The following FSHR variants were observed in gnomAD, a reference collection of about 807,000 sequenced individuals.
FSHR encodes follicle-stimulating hormone receptor.
FSHR carries 46 observed loss-of-function variants against 52.1 expected under a neutral mutation model. The ratio of observed to expected loss-of-function variants is 0.88; its 90% CI spans 0.70 to 1.13. The LOEUF is 1.13. FSHR is among the 50% of genes most tolerant of loss of function. The pLI, the probability that FSHR is intolerant of heterozygous loss-of-function variation, is 0.00. For synonymous variants in FSHR, 399 were observed against 309.6 expected (o/e 1.29, Z -3.03); for missense variants, 964 against 834.6 (o/e 1.16, Z -1.91).
intron 2 of FSHR, among the ~76,000 whole-genome samples, chr2:49,045,023 A>G (rs755909055): frequency 2.0e-5 from 3 of 152,240 alleles, no homozygotes; most frequent in Non-Finnish European, 4.4e-5. Context: ...GACTAATTGT[A>G]CTAAAAACTG....
At chr2:49,054,701 C>CAAG (rs1668992627) in intron 2 of FSHR, among the ~76,000 whole-genome samples, 3 of 152,130 alleles carry the variant, frequency 2.0e-5, no homozygotes, top group African/African-American at 7.2e-5. Flanking sequence ...GCAAGCCCAC[C>CAAG]CCTAGTAAAG....
At chr2:49,124,610 C>T (rs1317981003) in intron 1 of FSHR, among the ~76,000 whole-genome samples, 6 of 152,168 alleles carry the variant, frequency 3.9e-5, no homozygotes, top group Non-Finnish European at 7.4e-5. Flanking sequence ...TATTTTCTCT[C>T]ATGTCCCCAA....
chr2:49,004,993 G>A (rs571290858), intron 4 of FSHR, among the ~76,000 whole-genome samples: 36 of 152,186 alleles, frequency 2.4e-4, no homozygotes, highest in African/African-American at 8.2e-4. Flanking sequence ...GAAATCCCCC[G>A]TCATGGAGTC....
At chr2:49,133,412 A>G (rs1672367117) in intron 1 of FSHR, among the ~76,000 whole-genome samples, 1 of 152,286 alleles carries the variant, frequency 6.6e-6, no homozygotes, top group Middle Eastern at 3.4e-3. Context: ...GCTCAACGAA[A>G]TAAAGAGGAC....
chr2:48,978,709 G>T (rs1316849508), intron 8 of FSHR, among the ~76,000 whole-genome samples: 1 of 152,202 alleles, frequency 6.6e-6, no homozygotes, highest in Non-Finnish European at 1.5e-5. Flanking sequence ...AGGGGGAAAT[G>T]AGGATGCTGA....
chr2:49,120,425 G>T (rs1236369088), intron 1 of FSHR, among the ~76,000 whole-genome samples: 2 of 152,184 alleles, frequency 1.3e-5, no homozygotes, highest in Non-Finnish European at 2.9e-5. Flanking sequence ...GATGAATTCT[G>T]CTTTCTGTTG....
intron 1 of FSHR, among the ~76,000 whole-genome samples, chr2:49,142,539 C>T (rs1672724698): frequency 1.3e-5 from 2 of 152,210 alleles, no homozygotes; most frequent in Admixed American, 6.5e-5. Context: ...TCACTCCTGA[C>T]TCTCTGGCAC....
At chr2:49,140,015 C>T (rs531858147) in intron 1 of FSHR, among the ~76,000 whole-genome samples, 12 of 152,082 alleles carry the variant, frequency 7.9e-5, no homozygotes, top group Non-Finnish European at 1.6e-4. Context: ...TATCTGGGGG[C>T]AACTGAGCCA....
chr2:49,130,137 C>G (rs1672211328), intron 1 of FSHR, among the ~76,000 whole-genome samples: 1 of 152,100 alleles, frequency 6.6e-6, no homozygotes, highest in Non-Finnish European at 1.5e-5. Context: ...TTACTTTGTG[C>G]CTCAGTAGCT....
At chr2:49,014,559 A>G (rs2104200851) in intron 4 of FSHR, 1 of 188,902 alleles carries the variant, frequency 5.3e-6, no homozygotes, top group East Asian at 1.6e-4. Flanking sequence ...CCCTGCCCTC[A>G]TCTCCTAAGG....
At chr2:49,042,825 T>C (rs1431410306) in intron 2 of FSHR, among the ~76,000 whole-genome samples, 9 of 152,150 alleles carry the variant, frequency 5.9e-5, no homozygotes, top group Admixed American at 5.2e-4. Flanking sequence ...TTTGGTTCAG[T>C]CAAACGTTTC....
At chr2:49,003,251 A>G (rs1283651270) in intron 4 of FSHR, among the ~76,000 whole-genome samples, 2 of 152,126 alleles carry the variant, frequency 1.3e-5, no homozygotes, top group African/African-American at 4.8e-5. Context: ...TCTCTACCCA[A>G]ACAAAAAGGT....
Position 49,017,530 on chromosome 2 carries a change from G to T in FSHR, c.333C>A (p.Ile111=), listed in dbSNP as rs774057514. The part of the protein sequence containing the change: ...RIEKANNLLY[I]NPEAFQNLPN... ...GAAGGTTCTGGAAGGCCTCAGGGTT[G>T]ATGTAGAGCAGGTTGTTGGCCTTTT... The change falls in exon 4 of 10, where the codon ATC becomes ATA. Residue 111 remains isoleucine, a synonymous_variant. Coordinates refer to ENST00000406846, the MANE Select transcript of FSHR (RefSeq NM_000145.4). 3.7e-6 allele frequency: 6 copies of T among 1,613,566 alleles called. No homozygotes were observed. Among genetic ancestry groups the T allele is most frequent in the Non-Finnish European group, 5.1e-6 (6 of 1,179,636 alleles).
chr2:49,061,020 C>A (rs996757135), intron 2 of FSHR, among the ~76,000 whole-genome samples: 2 of 152,130 alleles, frequency 1.3e-5, no homozygotes, highest in Admixed American at 6.6e-5. Flanking sequence ...TCTCCCCCTG[C>A]CCATACCTCC....
intron 5 of FSHR, among the ~76,000 whole-genome samples, chr2:48,989,833 C>T (rs1349497279): frequency 6.6e-6 from 1 of 152,084 alleles, no homozygotes; most frequent in Non-Finnish European, 1.5e-5. Context: ...CCTCATTTCC[C>T]CCGTCAACCT....
At chr2:49,052,539 G>T (rs938875534) in intron 2 of FSHR, among the ~76,000 whole-genome samples, 1 of 152,118 alleles carries the variant, frequency 6.6e-6, no homozygotes, top group Non-Finnish European at 1.5e-5. Context: ...GTGATACTTG[G>T]GTGTGTACAT....
chr2:49,062,803 A>G (rs1398429847), intron 2 of FSHR, among the ~76,000 whole-genome samples: 1 of 152,142 alleles, frequency 6.6e-6, no homozygotes, highest in East Asian at 1.9e-4. Context: ...GCATATGAAA[A>G]AACTGTTCAA....
At chr2:48,969,325 A>G (rs1042100110) in intron 8 of FSHR, among the ~76,000 whole-genome samples, 3 of 152,218 alleles carry the variant, frequency 2.0e-5, no homozygotes, top group Non-Finnish European at 2.9e-5. Context: ...TTTCAGAAAA[A>G]GGGACAAGAA....
intron 2 of FSHR, among the ~76,000 whole-genome samples, chr2:49,039,682 G>A (rs1331951872): frequency 6.6e-6 from 1 of 152,070 alleles, no homozygotes; most frequent in Non-Finnish European, 1.5e-5. Context: ...TGCTTTCCTT[G>A]ATCTCTGAAT....
Sources: gnomAD v4.1 joint callset for allele counts (sites outside exome capture counted in the v4.1 genomes callset) on GRCh38, gnomAD v4.1.1 for gene constraint, MANE v1.5 for transcripts, NCBI Gene and HGNC (gene_info 2026-07-23, HGNC 2026-07-21) for gene names.